The following TRPA1 variants were observed in gnomAD, a reference collection of about 807,000 sequenced individuals.
TRPA1 encodes ankyrin-like with transmembrane domains 1.
A neutral mutation model predicts 131.3 loss-of-function variants in TRPA1; 129 were observed. That is an observed-to-expected ratio of 0.98 (90% CI 0.85 to 1.14). The LOEUF (loss-of-function observed/expected upper bound fraction) is 1.14. Ranked by LOEUF, TRPA1 falls within the 50% of genes most tolerant of loss-of-function variation. The pLI, the probability that TRPA1 is intolerant of heterozygous loss-of-function variation, is 0.00. For missense variants in TRPA1, 1,304 were observed against 1,354.2 expected (o/e 0.96, Z 0.58); for synonymous variants, 441 against 451.7 (o/e 0.98, Z 0.30).
intron 1 of TRPA1, among the ~76,000 whole-genome samples, chr8:72,074,881 C>T (rs984910835): frequency 6.6e-6 from 1 of 152,190 alleles, no homozygotes; most frequent in Non-Finnish European, 1.5e-5. Flanking sequence ...GGCTTCTCAA[C>T]CCCCAGAACT....
At chr8:72,028,100 C>T (rs774204489) in intron 24 of TRPA1, among the ~76,000 whole-genome samples, 2 of 152,112 alleles carry the variant, frequency 1.3e-5, no homozygotes, top group Non-Finnish European at 2.9e-5. Flanking sequence ...ACCTGGAGTC[C>T]TAAACACCAT....
intron 17 of TRPA1, among the ~76,000 whole-genome samples, chr8:72,044,913 T>C (rs892606941): frequency 2.0e-5 from 3 of 152,036 alleles, no homozygotes; most frequent in African/African-American, 7.2e-5. Flanking sequence ...TGCCCATTGT[T>C]ATATATTGTC....
intron 24 of TRPA1, 102 bp downstream of exon 24, chr8:72,029,799 C>T: frequency 2.9e-6 from 3 of 1,044,558 alleles, no homozygotes; most frequent in Non-Finnish European, 4.4e-6. Flanking sequence ...TTATAACTGG[C>T]ATATTCCTAC....
At chr8:72,066,327 A>T (rs1004420959) in intron 3 of TRPA1, among the ~76,000 whole-genome samples, 1 of 152,216 alleles carries the variant, frequency 6.6e-6, no homozygotes, top group Non-Finnish European at 1.5e-5. Context: ...AAATTATCTC[A>T]TATAAATGTC....
At chr8:72,073,625 TA>T (rs1255692936) in intron 1 of TRPA1, among the ~76,000 whole-genome samples, 2 of 152,208 alleles carry the variant, frequency 1.3e-5, no homozygotes, top group Non-Finnish European at 2.9e-5. Context: ...CTAAAAGGCT[TA>T]AAAAACATAA....
intron 13 of TRPA1, chr8:72,053,183 G>T (rs1430138070): frequency 4.6e-6 from 1 of 217,098 alleles, no homozygotes; most frequent in African/African-American, 2.3e-5. Flanking sequence ...GTAGAACAGT[G>T]GCTTACAGAT....
chr8:72,030,202 T>C (rs34319614), intron 23 of TRPA1, among the ~76,000 whole-genome samples: 17,974 of 152,214 alleles, frequency 0.12, 1,332 homozygotes, highest in Middle Eastern at 0.29. Flanking sequence ...ACCTTCTATG[T>C]GTTCCCATAT....
intron 17 of TRPA1, among the ~76,000 whole-genome samples, chr8:72,043,339 G>T (rs1002362272): frequency 6.6e-6 from 1 of 151,678 alleles, no homozygotes. Context: ...TCTTCAATTT[G>T]CTTATTTATT....
chr8:72,058,151 T>A (rs1805719698), intron 8 of TRPA1, among the ~76,000 whole-genome samples: 1 of 152,178 alleles, frequency 6.6e-6, no homozygotes, highest in South Asian at 2.1e-4. Flanking sequence ...AAGAAATAAT[T>A]TTTAAATGTC....
intron 17 of TRPA1, among the ~76,000 whole-genome samples, chr8:72,045,522 T>A (rs1319813432): frequency 6.7e-6 from 1 of 150,186 alleles, no homozygotes; most frequent in African/African-American, 2.5e-5. Context: ...TAATTTAAAC[T>A]AGTTTTTAAG....
chr8:72,060,715 T>C (rs1805787369), intron 7 of TRPA1, among the ~76,000 whole-genome samples: 1 of 152,142 alleles, frequency 6.6e-6, no homozygotes, highest in Non-Finnish European at 1.5e-5. Context: ...ACTTCGTAGT[T>C]TTTTACTAGT....
chr8:72,074,538 A>AT (rs1259019236), intron 1 of TRPA1, among the ~76,000 whole-genome samples: 1 of 152,174 alleles, frequency 6.6e-6, no homozygotes, highest in Non-Finnish European at 1.5e-5. Context: ...ATGTCTCAAC[A>AT]TTTTAAAAGA....
At chr8:72,048,540 A>C (rs546578979) in intron 15 of TRPA1, among the ~76,000 whole-genome samples, 8 of 152,284 alleles carry the variant, frequency 5.3e-5, no homozygotes, top group African/African-American at 1.9e-4. Context: ...TGCAAGGCAG[A>C]AACAGGCAGG....
At position 72,075,323 on chromosome 8, in the gene TRPA1, C is replaced by A. The variant is rs781262729; in HGVS notation, c.87G>T (p.Thr29=). ...CCTTAAGCGATTCCTTGAAATCCTC[C>A]GTGTCGTCCGGCACATCCTCATAGA... ...GVVYEDVPDD[T]EDFKESLKVV... Residue 29 remains threonine, a synonymous_variant, in exon 1 of 27, where the codon ACG becomes ACT. Transcript: ENST00000262209. The A allele has an allele frequency of 6.2e-7, 1 of 1,613,462 alleles. No homozygotes were observed. The highest frequency in any genetic ancestry group is 1.1e-5 in the South Asian group (1 of 91,070).
At chr8:72,054,618 G>A (rs937393349) in intron 12 of TRPA1, 1 of 152,304 alleles carries the variant, frequency 6.6e-6, no homozygotes, top group African/African-American at 2.4e-5. Context: ...CAACTGTCTG[G>A]CCTGGGTCTA....
chr8:72,070,625 G>A (rs28696256), intron 2 of TRPA1, among the ~76,000 whole-genome samples: 60,320 of 151,874 alleles, frequency 0.4, 12,679 homozygotes, highest in East Asian at 0.63. Context: ...TTCTGTCCCC[G>A]TAACTTCACC....
rs758043451 is a variant in TRPA1 at position 72,062,810 on chromosome 8, C to G, written c.796G>C (p.Asp266His). 1 of 1,613,938 alleles carries G rather than the reference C, an allele frequency of 6.2e-7. No homozygotes were observed. Among genetic ancestry groups the G allele is most frequent in the South Asian group, 1.1e-5 (1 of 91,078 alleles). ...KMCLDNGAQIDPVEKGRCTAI... is the reference protein window; with the variant it reads ...KMCLDNGAQIHPVEKGRCTAI... ...ATATGAAGAGTTACCTCCACTGGGT[C>G]TATTTGTGCACCATTGTCCAGGCAC... The change falls in exon 6 of 27, where the codon GAC becomes CAC. Residue 266 changes from aspartate to histidine, a missense_variant. By Grantham distance (81) the Asp-to-His change is moderately conservative. Coordinates refer to ENST00000262209, the MANE Select transcript of TRPA1 (RefSeq NM_007332.3).
At chr8:72,055,900 C>A (rs773243639) in intron 10 of TRPA1, 45 bp from the exon 11 acceptor site, 1 of 1,594,798 alleles carries the variant, frequency 6.3e-7, no homozygotes, top group South Asian at 1.1e-5. Context: ...TGCTATTATG[C>A]TAATATGATG....
At chr8:72,073,048 G>C (rs980764714) in intron 1 of TRPA1, among the ~76,000 whole-genome samples, 3 of 152,148 alleles carry the variant, frequency 2.0e-5, no homozygotes, top group Non-Finnish European at 4.4e-5. Flanking sequence ...GTAGTTTCAT[G>C]TTGTCACAGG....
Sources: gnomAD v4.1 joint callset for allele counts (sites outside exome capture counted in the v4.1 genomes callset) on GRCh38, gnomAD v4.1.1 for gene constraint, MANE v1.5 for transcripts, NCBI Gene and HGNC (gene_info 2026-07-23, HGNC 2026-07-21) for gene names.